Variants in ATP8A2 observed in about 807,000 individuals in gnomAD.
ATP8A2 encodes phospholipid-transporting ATPase IB.
A neutral mutation model predicts 165.6 loss-of-function variants in ATP8A2; 100 were observed. The ratio of observed to expected loss-of-function variants is 0.60; its 90% CI spans 0.51 to 0.71. The LOEUF (loss-of-function observed/expected upper bound fraction) is 0.71, where lower values mean the gene tolerates loss of function less well. Among genes scored for constraint, ATP8A2 ranks in the 30% least tolerant of loss-of-function variants. The pLI is 0.00. For synonymous variants in ATP8A2, 543 were observed against 548.8 expected (o/e 0.99, Z 0.15); for missense variants, 1,227 against 1,479.5 (o/e 0.83, Z 2.80).
chr13:25,704,489 A>G (rs1235977041), intron 25 of ATP8A2, among the ~76,000 whole-genome samples: 3 of 151,914 alleles, frequency 2.0e-5, no homozygotes, highest in African/African-American at 4.8e-5. Context: ...GCATGCCACT[A>G]TGCCTGGCTA....
At chr13:25,959,377 C>T (rs1955604301) in intron 33 of ATP8A2, among the ~76,000 whole-genome samples, 1 of 152,234 alleles carries the variant, frequency 6.6e-6, no homozygotes, top group African/African-American at 2.4e-5. Context: ...CATGCCCACA[C>T]TTGAAGGAGG....
intron 36 of ATP8A2, among the ~76,000 whole-genome samples, chr13:26,014,047 C>T (rs1182632999): frequency 6.6e-6 from 1 of 152,192 alleles, no homozygotes; most frequent in Non-Finnish European, 1.5e-5. Context: ...GGATTGCAGC[C>T]TCAGACTCTG....
intron 33 of ATP8A2, among the ~76,000 whole-genome samples, chr13:25,927,970 C>A (rs1183023780): frequency 6.6e-6 from 1 of 152,236 alleles, no homozygotes; most frequent in Non-Finnish European, 1.5e-5. Flanking sequence ...ATTCATTTCT[C>A]TTATGTTTTG....
chr13:25,504,961 AT>A (rs1454149752), intron 2 of ATP8A2, among the ~76,000 whole-genome samples: 1 of 151,970 alleles, frequency 6.6e-6, no homozygotes, highest in Non-Finnish European at 1.5e-5. Flanking sequence ...TCAGAATTGT[AT>A]TTTTTTAGTG....
At chr13:25,748,749 G>C (rs919754350) in intron 25 of ATP8A2, among the ~76,000 whole-genome samples, 1 of 152,126 alleles carries the variant, frequency 6.6e-6, no homozygotes, top group Non-Finnish European at 1.5e-5. Context: ...GCGTTGCTGC[G>C]GCCACTTTGA....
chr13:25,631,882 CA>C (rs68089743), intron 24 of ATP8A2, among the ~76,000 whole-genome samples: 18,563 of 151,888 alleles, frequency 0.12, 1,265 homozygotes, highest in Admixed American at 0.19. Context: ...CCCAACATAG[CA>C]AACCAAGCAG....
intron 1 of ATP8A2, among the ~76,000 whole-genome samples, chr13:25,406,918 C>G (rs935773553): frequency 2.6e-5 from 4 of 152,230 alleles, no homozygotes; most frequent in African/African-American, 9.7e-5. Flanking sequence ...CTCAGATCGT[C>G]AGGCCACCAA....
intron 24 of ATP8A2, among the ~76,000 whole-genome samples, chr13:25,636,783 G>T (rs373211402): frequency 1.3e-3 from 202 of 152,142 alleles, no homozygotes; most frequent in Middle Eastern, 0.01. Flanking sequence ...GTTTAGTTTT[G>T]CTTGTTTTTG....
intron 33 of ATP8A2, among the ~76,000 whole-genome samples, chr13:25,937,797 C>G (rs1454233671): frequency 4.3e-5 from 6 of 141,172 alleles, no homozygotes; most frequent in Admixed American, 2.3e-4. Context: ...TGTAGTGAGC[C>G]GAGATGGCAA....
At chr13:25,914,914 C>T (rs1210911736) in intron 33 of ATP8A2, among the ~76,000 whole-genome samples, 1 of 152,226 alleles carries the variant, frequency 6.6e-6, no homozygotes, top group African/African-American at 2.4e-5. Context: ...TTCCCCCTTC[C>T]CGATTTGTTA....
intron 1 of ATP8A2, among the ~76,000 whole-genome samples, chr13:25,465,182 T>C (rs966316573): frequency 1.3e-5 from 2 of 152,258 alleles, no homozygotes; most frequent in Admixed American, 6.5e-5. Context: ...TTAGTCATAA[T>C]GTGCTTTGCT....
intron 1 of ATP8A2, among the ~76,000 whole-genome samples, chr13:25,391,843 A>G (rs1335871156): frequency 6.6e-6 from 1 of 152,364 alleles, no homozygotes; most frequent in Admixed American, 6.5e-5. Flanking sequence ...GGGTTCAGGG[A>G]AAATCTCAGC....
intron 27 of ATP8A2, among the ~76,000 whole-genome samples, chr13:25,787,974 C>T (rs994989218): frequency 2.6e-5 from 4 of 152,218 alleles, no homozygotes; most frequent in African/African-American, 7.2e-5. Flanking sequence ...AGAAGAAATG[C>T]CAGGACCCAC....
intron 25 of ATP8A2, among the ~76,000 whole-genome samples, chr13:25,714,259 A>C (rs2043211157): frequency 6.6e-6 from 1 of 151,886 alleles, no homozygotes; most frequent in East Asian, 1.9e-4. Flanking sequence ...GCCACATTGG[A>C]CTCCTTTCTG....
chr13:25,432,876 G>A (rs1451726701), intron 1 of ATP8A2, among the ~76,000 whole-genome samples: 1 of 152,166 alleles, frequency 6.6e-6, no homozygotes, highest in Non-Finnish European at 1.5e-5. Context: ...GTTCATGAGA[G>A]GGTCAGTTTG....
At chr13:25,815,805 A>G (rs1450520266) in intron 27 of ATP8A2, among the ~76,000 whole-genome samples, 1 of 152,208 alleles carries the variant, frequency 6.6e-6, no homozygotes, top group Non-Finnish European at 1.5e-5. Context: ...GTATGGGTGA[A>G]TGAATAAACA....
intron 25 of ATP8A2, among the ~76,000 whole-genome samples, chr13:25,713,650 T>A (rs1385492430): frequency 6.6e-6 from 1 of 152,234 alleles, no homozygotes; most frequent in Non-Finnish European, 1.5e-5. Context: ...ACAAGTCTCC[T>A]AAGGATTATT....
chr13:25,391,841 G>A (rs1469194658), intron 1 of ATP8A2, among the ~76,000 whole-genome samples: 4 of 152,156 alleles, frequency 2.6e-5, no homozygotes, highest in Non-Finnish European at 4.4e-5. Context: ...GAGGGTTCAG[G>A]GAAAATCTCA....
chr13:25,698,342 T>G (rs1026197473), intron 24 of ATP8A2, among the ~76,000 whole-genome samples: 1 of 151,852 alleles, frequency 6.6e-6, no homozygotes, highest in Non-Finnish European at 1.5e-5. Context: ...CACCTCAGCC[T>G]CCAGAGTAGC....
Sources: gnomAD v4.1 joint callset for allele counts (sites outside exome capture counted in the v4.1 genomes callset) on GRCh38, gnomAD v4.1.1 for gene constraint, MANE v1.5 for transcripts, NCBI Gene and HGNC (gene_info 2026-07-23, HGNC 2026-07-21) for gene names.